Variants in RUFY3 observed in about 807,000 individuals in gnomAD.
RUFY3 encodes RUN and FYVE domain containing 3, also known as protein RUFY3.
A neutral mutation model predicts 84.0 loss-of-function variants in RUFY3; 34 were observed. The ratio of observed to expected loss-of-function variants is 0.40; its 90% CI spans 0.31 to 0.54. The LOEUF (loss-of-function observed/expected upper bound fraction) is 0.54, where lower values mean the gene tolerates loss of function less well. Ranked by LOEUF, RUFY3 falls within the 20% of genes least tolerant of loss-of-function variation. RUFY3 has a pLI of 0.39. For missense variants in RUFY3, 507 were observed against 736.8 expected (o/e 0.69, Z 3.61); for synonymous variants, 242 against 252.9 (o/e 0.96, Z 0.41).
At chr4:70,800,036 T>A in intron 14 of RUFY3, 105 bp from the exon 15 acceptor site, 1 of 995,674 alleles carries the variant, frequency 1.0e-6, no homozygotes, top group Non-Finnish European at 1.5e-6. Flanking sequence ...TAAAAAAAGC[T>A]ACTTAGCTTT....
chr4:70,786,167 T>C (rs1281837223), intron 10 of RUFY3, among the ~76,000 whole-genome samples: 2 of 152,200 alleles, frequency 1.3e-5, no homozygotes, highest in Non-Finnish European at 2.9e-5. Flanking sequence ...AGAAATGCCA[T>C]ATGATAACAC....
rs55785417 is a variant in RUFY3 at position 70,756,978 on chromosome 4, T to A, written c.179-5541T>A. On this transcript the variant is annotated intron_variant, in intron 1 of 17. Transcript: ENST00000381006. The stretch of plus-strand genomic sequence containing the variant: ...TTTATGTCATTTAACAAAAAAAAAA[T>A]TTTTTTAATTAGCTGGGCATGGCGA... 3.0e-4 allele frequency among the ~76,000 whole-genome samples: 46 copies of A among 151,860 alleles called. 1 individual carries two copies. The highest frequency in any genetic ancestry group is 1.4e-3 in the East Asian group (7 of 5,172).
At chr4:70,717,701 A>G (rs536865509), upstream of RUFY3, among the ~76,000 whole-genome samples, 2 of 151,984 alleles carry the variant, frequency 1.3e-5, no homozygotes, top group South Asian at 4.2e-4. Context: ...AGAGTGTAGA[A>G]GGAACATGGA....
chr4:70,774,551 GT>G (rs1727505854), intron 6 of RUFY3, among the ~76,000 whole-genome samples: 1 of 139,056 alleles, frequency 7.2e-6, no homozygotes, highest in Non-Finnish European at 1.5e-5. Context: ...GGAGGTGGAG[GT>G]TGCAGTGAGC....
At chr4:70,806,382 T>C (rs2148825615) in intron 17 of RUFY3, 134 bp from the exon 18 acceptor site, 1 of 1,011,016 alleles carries the variant, frequency 9.9e-7, no homozygotes, top group Non-Finnish European at 1.5e-6. Context: ...GTTCAGATAC[T>C]ACCTGGCACA....
intron 15 of RUFY3, 22 bp from the exon 16 acceptor site, chr4:70,802,934 A>AT: frequency 1.3e-6 from 2 of 1,579,684 alleles, no homozygotes; most frequent in Non-Finnish European, 1.7e-6. Context: ...ATTTGTCACA[A>AT]TTTTTTACTT....
At chr4:70,768,682 C>A (rs770134125) in intron 5 of RUFY3, 21 bp downstream of exon 5, 1 of 1,611,066 alleles carries the variant, frequency 6.2e-7, no homozygotes, top group Non-Finnish European at 8.5e-7. Flanking sequence ...GAGACTCATT[C>A]CCATGGGTGT....
intron 12 of RUFY3, chr4:70,791,701 T>C: frequency 9.9e-7 from 1 of 1,007,846 alleles, no homozygotes; most frequent in Non-Finnish European, 1.2e-6. Context: ...GCAAGCCTGT[T>C]CTGCCATTGC....
intron 1 of RUFY3, among the ~76,000 whole-genome samples, chr4:70,747,032 A>G (rs1239479395): frequency 6.6e-6 from 1 of 152,236 alleles, no homozygotes; most frequent in African/African-American, 2.4e-5. Flanking sequence ...CAGTTTTGCA[A>G]GATACCCTTG....
chr4:70,763,983 GT>G (rs1238323833), intron 3 of RUFY3, among the ~76,000 whole-genome samples: 3 of 152,158 alleles, frequency 2.0e-5, no homozygotes, highest in African/African-American at 7.2e-5. Flanking sequence ...GGGAAAAAAG[GT>G]ATTCAGTGGG....
intron 6 of RUFY3, among the ~76,000 whole-genome samples, chr4:70,774,670 T>TATATATATATATAAAA (rs766227141): frequency 1.2e-5 from 1 of 81,072 alleles, no homozygotes; most frequent in South Asian, 4.3e-4. Flanking sequence ...TATATATATA[T>TATATATATATATAAAA]AAAATAAACA....
At chr4:70,780,947 T>C (rs1256028274) in intron 8 of RUFY3, among the ~76,000 whole-genome samples, 1 of 152,094 alleles carries the variant, frequency 6.6e-6, no homozygotes, top group Non-Finnish European at 1.5e-5. Flanking sequence ...ATTTCCATTT[T>C]GGGTTTAAGA....
At chr4:70,776,050 C>T (rs1727915647) in intron 7 of RUFY3, among the ~76,000 whole-genome samples, 1 of 151,822 alleles carries the variant, frequency 6.6e-6, no homozygotes, top group South Asian at 2.1e-4. Flanking sequence ...AATTTCTTTG[C>T]CATTATTACA....
intron 6 of RUFY3, among the ~76,000 whole-genome samples, chr4:70,774,124 ATAAT>A (rs1233665591): frequency 6.6e-6 from 1 of 152,186 alleles, no homozygotes; most frequent in Non-Finnish European, 1.5e-5. Context: ...CATTGAAAGC[ATAAT>A]TAGTCTGATT....
chr4:70,775,944 C>CA (rs11369578), intron 7 of RUFY3, among the ~76,000 whole-genome samples: 113,446 of 132,308 alleles, frequency 0.86, 48,474 homozygotes, highest in Non-Finnish European at 0.93. Context: ...CTGTCTTAAA[C>CA]AAAAAAAAAA....
chr4:70,776,633 G>A (rs895560668), intron 7 of RUFY3, among the ~76,000 whole-genome samples: 16 of 152,042 alleles, frequency 1.1e-4, no homozygotes, highest in Admixed American at 5.9e-4. Context: ...AAAATTAGCC[G>A]GGCGTGGTAC....
chr4:70,793,909 A>AG lies in RUFY3; in HGVS notation c.1457+6dup. The AG allele has an allele frequency of 2.5e-6, 4 of 1,613,718 alleles. No homozygotes were observed. The highest frequency in any genetic ancestry group is 3.4e-6 in the Non-Finnish European group (4 of 1,179,874). ...CGAGGAGCTCACCAGGCAGCGGTGA[A>AG]GAGGGGGTAGCTTGAGCTGACAGGG... On this transcript the variant is annotated splice_donor_region_variant and intron_variant, in intron 13 of 17. Transcript: ENST00000381006.
At position 70,794,858 on chromosome 4, in the gene RUFY3, C is replaced by G. The variant is rs757757659; in HGVS notation, c.1521C>G (p.Ile507Met). The change falls in exon 14 of 18, where the codon ATC becomes ATG. Residue 507 changes from isoleucine (I) to methionine (M), a missense_variant. This residue lies in a region of RUFY3 where 334 missense variants were observed against 364.1 expected (regional missense o/e 0.92). Coordinates refer to ENST00000381006, the MANE Select transcript of RUFY3 (RefSeq NM_001037442.4). ...GAAGATTACAAAACGACAGGAGCAT[C>G]CCAGGAAGGGGTTCCCAGAAGTCAG... ...KERRLQNDRS[I>M]PGRGSQKSES... 1.4e-5 allele frequency: 22 copies of G among 1,612,320 alleles called. No individual in the cohort carries two copies. Among genetic ancestry groups the G allele is most frequent in the Non-Finnish European group, 1.5e-5 (18 of 1,178,816 alleles).
At chr4:70,770,795 G>A (rs1726824207) in intron 5 of RUFY3, among the ~76,000 whole-genome samples, 1 of 152,156 alleles carries the variant, frequency 6.6e-6, no homozygotes, top group Admixed American at 6.6e-5. Context: ...CTTTTGGCCT[G>A]TCTTCTCTTT....
Sources: allele counts gnomAD v4.1 joint callset (sites outside exome capture counted in the v4.1 genomes callset), GRCh38; gene constraint gnomAD v4.1.1; regional missense constraint gnomAD v4.1.1; transcripts MANE v1.5; gene names NCBI Gene and HGNC (gene_info 2026-07-23, HGNC 2026-07-21).